UNC13C: variants seen among roughly 807,000 people sequenced by gnomAD.
UNC13C encodes the protein protein unc-13 homolog C.
In UNC13C, 174 loss-of-function variants were observed where a neutral mutation model predicts 245.4. The ratio of observed to expected loss-of-function variants is 0.71; its 90% CI spans 0.63 to 0.80. The LOEUF (loss-of-function observed/expected upper bound fraction) is 0.80. Ranked by LOEUF, UNC13C falls within the 30% of genes least tolerant of loss-of-function variation. The probability of loss-of-function intolerance (pLI) is 0.00; values close to 1 mark genes in which losing one functional copy is unlikely to be tolerated. For missense variants in UNC13C, 2,829 were observed against 2,602.9 expected (o/e 1.09, Z -1.89); for synonymous variants, 992 against 895.1 (o/e 1.11, Z -1.93).
At chr15:54,332,782 A>T (rs2038473643) in intron 15 of UNC13C, among the ~76,000 whole-genome samples, 1 of 152,058 alleles carries the variant, frequency 6.6e-6, no homozygotes, top group Admixed American at 6.6e-5. Flanking sequence ...TGTATCTTAC[A>T]TTCTTTAATA....
chr15:54,443,859 G>T (rs535610068), intron 19 of UNC13C, among the ~76,000 whole-genome samples: 2 of 152,082 alleles, frequency 1.3e-5, no homozygotes, highest in East Asian at 3.9e-4. Flanking sequence ...ATATACTGAT[G>T]AGAAGAATGT....
chr15:54,084,406 G>C (rs1899124924), intron 2 of UNC13C, among the ~76,000 whole-genome samples: 1 of 152,188 alleles, frequency 6.6e-6, no homozygotes, highest in Non-Finnish European at 1.5e-5. Context: ...TGGTCGTGAA[G>C]ACATATCTAC....
chr15:54,037,666 G>A (rs1398063823), intron 2 of UNC13C, among the ~76,000 whole-genome samples: 2 of 152,008 alleles, frequency 1.3e-5, no homozygotes, highest in Admixed American at 6.6e-5. Context: ...TTTGGATGTG[G>A]TGTTCACTTA....
intron 1 of UNC13C, among the ~76,000 whole-genome samples, chr15:53,987,205 G>C (rs554739247): frequency 6.6e-6 from 1 of 152,062 alleles, no homozygotes; most frequent in South Asian, 2.1e-4. Flanking sequence ...TAGATAAATA[G>C]GCATTTCTTG....
At chr15:54,463,511 A>T (rs1182705616) in intron 19 of UNC13C, among the ~76,000 whole-genome samples, 1 of 151,552 alleles carries the variant, frequency 6.6e-6, no homozygotes, top group Non-Finnish European at 1.5e-5. Context: ...GGAATGAGCA[A>T]CTCTGGAGGA....
intron 30 of UNC13C, among the ~76,000 whole-genome samples, chr15:54,581,676 C>G (rs757394931): frequency 6.6e-6 from 1 of 152,168 alleles, no homozygotes; most frequent in Non-Finnish European, 1.5e-5. Flanking sequence ...CTTCAACAAA[C>G]GAATTTGGGG....
the UNC13C span, among the ~76,000 whole-genome samples, chr15:53,859,661 A>G: frequency 6.6e-6 from 1 of 152,092 alleles, no homozygotes; most frequent in South Asian, 2.1e-4. Context: ...TTTAGTTTTC[A>G]TTTTTAATGC....
At chr15:54,555,280 T>C (rs1422760964) in intron 28 of UNC13C, among the ~76,000 whole-genome samples, 152 bp from the exon 29 acceptor site, 3 of 152,086 alleles carry the variant, frequency 2.0e-5, no homozygotes, top group Non-Finnish European at 4.4e-5. Flanking sequence ...TTATAAAATA[T>C]ATGACAATCA....
rs567028555 is a variant in UNC13C at position 54,452,448 on chromosome 15, G to T, written c.4933+37381G>T. On this transcript the variant is annotated intron_variant, in intron 19 of 32. Transcript: ENST00000260323. Reference sequence around the variant, plus strand: ...CTTCTGTCCCACAGGTGGTGTATAGGGGTGGGTACCTACAGTGGTGGCAAC... The same window carrying T: ...CTTCTGTCCCACAGGTGGTGTATAGTGGTGGGTACCTACAGTGGTGGCAAC... Among the ~76,000 whole-genome samples the T allele has an allele frequency of 1.2e-4, 19 of 152,264 alleles. No individual in the cohort carries two copies. In the East Asian group the frequency reaches 3.5e-3, roughly 28 times the overall value.
chr15:54,062,438 T>C (rs1897886871), intron 2 of UNC13C, among the ~76,000 whole-genome samples: 1 of 152,170 alleles, frequency 6.6e-6, no homozygotes, highest in African/African-American at 2.4e-5. Context: ...ATGATTCTTC[T>C]TATCCTAGCC....
chr15:54,444,299 A>G (rs915965701), intron 19 of UNC13C, among the ~76,000 whole-genome samples: 2 of 151,002 alleles, frequency 1.3e-5, no homozygotes, highest in Non-Finnish European at 3.0e-5. Flanking sequence ...ATACACAAAT[A>G]TATGTCATAT....
chr15:54,232,183 T>C (rs2035571342), intron 4 of UNC13C, among the ~76,000 whole-genome samples: 1 of 152,038 alleles, frequency 6.6e-6, no homozygotes, highest in Non-Finnish European at 1.5e-5. Context: ...AATATAAAAG[T>C]ATAAGGAAAC....
At chr15:54,448,157 G>C (rs60331464) in intron 19 of UNC13C, among the ~76,000 whole-genome samples, 1 of 152,150 alleles carries the variant, frequency 6.6e-6, no homozygotes, top group Non-Finnish European at 1.5e-5. Flanking sequence ...TATAATTTCT[G>C]TTCTTTTATG....
chr15:54,581,262 A>T (rs1898186596), intron 30 of UNC13C, among the ~76,000 whole-genome samples: 1 of 152,210 alleles, frequency 6.6e-6, no homozygotes, highest in African/African-American at 2.4e-5. Flanking sequence ...AAAGACACAG[A>T]GATCAAAGCG....
chr15:54,147,072 G>A (rs1007001617), intron 4 of UNC13C, among the ~76,000 whole-genome samples: 35 of 152,094 alleles, frequency 2.3e-4, no homozygotes, highest in African/African-American at 8.0e-4. Context: ...GTGTAGCCTT[G>A]GGGTGAATGC....
At chr15:54,575,436 C>T (rs553586755) in intron 30 of UNC13C, among the ~76,000 whole-genome samples, 1 of 152,148 alleles carries the variant, frequency 6.6e-6, no homozygotes, top group Non-Finnish European at 1.5e-5. Flanking sequence ...TTATATTCCT[C>T]AAACTATATT....
chr15:54,152,256 G>A (rs1475963316), intron 4 of UNC13C, among the ~76,000 whole-genome samples: 1 of 152,140 alleles, frequency 6.6e-6, no homozygotes. Flanking sequence ...TATCACAGGA[G>A]TGCCAACTTA....
chr15:54,247,096 C>T (rs1275619742), intron 7 of UNC13C, among the ~76,000 whole-genome samples: 2 of 152,152 alleles, frequency 1.3e-5, no homozygotes, highest in Non-Finnish European at 2.9e-5. Context: ...TTCCATCCTT[C>T]TCCTTCAGCT....
At chr15:53,972,393 T>C in the UNC13C span, among the ~76,000 whole-genome samples, 18 of 152,352 alleles carry the variant, frequency 1.2e-4, no homozygotes, top group African/African-American at 3.6e-4. Flanking sequence ...AAGGATGCTA[T>C]GTCCAATCAT....
Sources: gnomAD v4.1 joint callset for allele counts (sites outside exome capture counted in the v4.1 genomes callset) on GRCh38, gnomAD v4.1.1 for gene constraint, MANE v1.5 for transcripts, NCBI Gene and HGNC (gene_info 2026-07-23, HGNC 2026-07-21) for gene names.